GPC5: variants seen among roughly 807,000 people sequenced by gnomAD.
GPC5 encodes glypican 5, also known as glypican-5.
GPC5 carries 47 observed loss-of-function variants against 53.9 expected under a neutral mutation model. The ratio of observed to expected loss-of-function variants is 0.87; its 90% CI spans 0.69 to 1.11. GPC5 has a LOEUF of 1.11. GPC5 is among the 50% of genes most tolerant of loss of function. The pLI is 0.00. For synonymous variants in GPC5, 286 were observed against 263.3 expected (o/e 1.09, Z -0.84); for missense variants, 748 against 713.1 (o/e 1.05, Z -0.56).
intron 6 of GPC5, among the ~76,000 whole-genome samples, chr13:91,933,900 CTGG>C (rs1175381229): frequency 2.0e-5 from 3 of 151,654 alleles, no homozygotes; most frequent in African/African-American, 7.3e-5. Flanking sequence ...ATTAGCTGTC[CTGG>C]TAGTGTTTTA....
At chr13:91,431,594 CTG>C (rs1364981363) in intron 1 of GPC5, among the ~76,000 whole-genome samples, 1 of 152,190 alleles carries the variant, frequency 6.6e-6, no homozygotes, top group Admixed American at 6.5e-5. Context: ...AGATTATACT[CTG>C]TGTTACAATT....
chr13:92,257,613 C>T (rs1283528913), intron 7 of GPC5, among the ~76,000 whole-genome samples: 2 of 133,804 alleles, frequency 1.5e-5, no homozygotes, highest in African/African-American at 5.7e-5. Context: ...TGCAATGGTG[C>T]AATCTCAGCT....
At chr13:91,718,608 ATT>A (rs149645634) in intron 3 of GPC5, among the ~76,000 whole-genome samples, 4,627 of 152,092 alleles carry the variant, frequency 0.03, 230 homozygotes, top group African/African-American at 0.11. Context: ...AAATTATTAT[ATT>A]TTCTTGGACA....
intron 2 of GPC5, among the ~76,000 whole-genome samples, chr13:91,579,508 C>T (rs2032267170): frequency 6.6e-6 from 1 of 152,160 alleles, no homozygotes; most frequent in Non-Finnish European, 1.5e-5. Context: ...TCATCTGAAC[C>T]ACATTGAATA....
intron 7 of GPC5, among the ~76,000 whole-genome samples, chr13:92,849,854 A>T (rs1878733434): frequency 6.6e-6 from 1 of 152,254 alleles, no homozygotes; most frequent in Admixed American, 6.5e-5. Flanking sequence ...TTTTAATCAC[A>T]ATAGTCTTCA....
chr13:91,971,550 G>A (rs1233611751), intron 6 of GPC5, among the ~76,000 whole-genome samples: 2 of 152,028 alleles, frequency 1.3e-5, no homozygotes, highest in Non-Finnish European at 2.9e-5. Context: ...TCTTTTAATT[G>A]TGATGTTAGG....
chr13:92,328,590 A>T (rs139718779), intron 7 of GPC5, among the ~76,000 whole-genome samples: 149 of 152,292 alleles, frequency 9.8e-4, no homozygotes, highest in African/African-American at 3.4e-3. Flanking sequence ...CACAAGGAAC[A>T]AGGTACCAGA....
At chr13:92,419,187 C>T (rs1471672113) in intron 7 of GPC5, among the ~76,000 whole-genome samples, 3 of 152,188 alleles carry the variant, frequency 2.0e-5, no homozygotes, top group Middle Eastern at 3.2e-3. Context: ...GGGACCATCA[C>T]CACTGTGGGA....
chr13:92,188,962 C>G (rs974418090), intron 7 of GPC5, among the ~76,000 whole-genome samples: 3 of 152,150 alleles, frequency 2.0e-5, no homozygotes, highest in African/African-American at 7.2e-5. Context: ...TACAAAACAT[C>G]ACAACTTACT....
chr13:92,596,025 A>C (rs1883869898), intron 7 of GPC5, among the ~76,000 whole-genome samples: 1 of 152,140 alleles, frequency 6.6e-6, no homozygotes, highest in African/African-American at 2.4e-5. Context: ...CAAAAATTTC[A>C]TACTTGTTTC....
intron 7 of GPC5, among the ~76,000 whole-genome samples, chr13:92,603,303 T>C (rs1230729188): frequency 2.6e-5 from 4 of 152,108 alleles, no homozygotes; most frequent in South Asian, 4.1e-4. Context: ...ATTTTTTTTT[T>C]CCATATTCTA....
chr13:91,596,003 T>C (rs1189618135), intron 2 of GPC5, among the ~76,000 whole-genome samples: 1 of 152,242 alleles, frequency 6.6e-6, no homozygotes, highest in African/African-American at 2.4e-5. Context: ...GTAGTTCAAG[T>C]ATTTCTTGCT....
intron 2 of GPC5, among the ~76,000 whole-genome samples, chr13:91,562,782 G>A (rs2031344283): frequency 6.6e-6 from 1 of 152,020 alleles, no homozygotes; most frequent in African/African-American, 2.4e-5. Context: ...GAAAAAGTAA[G>A]CAGTTTGTTC....
chr13:92,171,991 C>T (rs2042073835), intron 7 of GPC5, among the ~76,000 whole-genome samples: 2 of 152,302 alleles, frequency 1.3e-5, no homozygotes, highest in East Asian at 3.9e-4. Context: ...TGCCGTAGAA[C>T]CCATTAACCA....
At position 91,761,812 on chromosome 13, in the gene GPC5, GACA is replaced by G. The variant is rs376911992; in HGVS notation, c.1280+5396_1280+5398del. On this transcript the variant is annotated intron_variant, in intron 5 of 7. Coordinates refer to ENST00000377067, the MANE Select transcript of GPC5 (RefSeq NM_004466.6). ...ATATTTATGGAGACTTCATTATGGA[GACA>G]ACATTAATTTTGCCATTGGCCATTG... Among the ~76,000 whole-genome samples, 13 of 152,152 alleles carry G rather than the reference GACA, an allele frequency of 8.5e-5. No homozygotes were observed. The East Asian group carries it at 2.3e-3, about 27-fold the overall frequency.
At chr13:92,816,910 T>C (rs1307929082) in intron 7 of GPC5, among the ~76,000 whole-genome samples, 1 of 151,900 alleles carries the variant, frequency 6.6e-6, no homozygotes, top group Admixed American at 6.6e-5. Flanking sequence ...ATGTCCCAAT[T>C]TCAAATTCCT....
chr13:91,616,127 TATA>T (rs2139336610), intron 2 of GPC5, among the ~76,000 whole-genome samples: 1 of 152,262 alleles, frequency 6.6e-6, no homozygotes, highest in African/African-American at 2.4e-5. Context: ...TAAGGGGGCT[TATA>T]TTGCCTAGGA....
intron 7 of GPC5, among the ~76,000 whole-genome samples, chr13:92,768,667 C>A (rs1158759181): frequency 6.6e-6 from 1 of 151,974 alleles, no homozygotes; most frequent in Non-Finnish European, 1.5e-5. Flanking sequence ...GTTATTTGCA[C>A]CATCATTCTG....
At chr13:92,181,249 G>T (rs9523526) in intron 7 of GPC5, among the ~76,000 whole-genome samples, 127,401 of 152,132 alleles carry the variant, frequency 0.84, 53,613 homozygotes, top group East Asian at 0.99. Flanking sequence ...ATGATATCAT[G>T]GAGATGAGCT....
Sources: gnomAD v4.1 joint callset for allele counts (sites outside exome capture counted in the v4.1 genomes callset) on GRCh38, gnomAD v4.1.1 for gene constraint, MANE v1.5 for transcripts, NCBI Gene and HGNC (gene_info 2026-07-23, HGNC 2026-07-21) for gene names.